CDIN1: variants seen among roughly 807,000 people sequenced by gnomAD.
CDIN1 encodes CDAN1-interacting nuclease 1.
A neutral mutation model predicts 45.3 loss-of-function variants in CDIN1; 33 were observed. The observed-to-expected ratio is 0.73, with a 90% CI of 0.55 to 0.97. CDIN1 has a LOEUF of 0.97. Among genes scored for constraint, CDIN1 ranks in the 50% least tolerant of loss-of-function variants. The probability of loss-of-function intolerance (pLI) is 0.00; values close to 1 mark genes in which losing one functional copy is unlikely to be tolerated. For missense variants in CDIN1, 303 were observed against 339.4 expected, an observed-to-expected ratio of 0.89 and a Z score of 0.84; for synonymous variants, 118 against 124.4, an observed-to-expected ratio of 0.95 and a Z score of 0.34.
chr15:36,612,452 C>A (rs2038691672), intron 1 of CDIN1, among the ~76,000 whole-genome samples: 1 of 152,110 alleles, frequency 6.6e-6, no homozygotes, highest in African/African-American at 2.4e-5. Context: ...TATTTTCTAT[C>A]CCTCGTAAGC....
intron 5 of CDIN1, among the ~76,000 whole-genome samples, chr15:36,674,101 A>G (rs2041553424): frequency 6.6e-6 from 1 of 152,164 alleles, no homozygotes; most frequent in African/African-American, 2.4e-5. Flanking sequence ...TACGCTGTCT[A>G]ATAAAGGCTC....
At chr15:36,777,585 T>C (rs2141043720) in intron 10 of CDIN1, among the ~76,000 whole-genome samples, 1 of 152,280 alleles carries the variant, frequency 6.6e-6, no homozygotes, top group Non-Finnish European at 1.5e-5. Context: ...CCAGACTCTG[T>C]TTTAGACATC....
chr15:36,804,940 G>A (rs531150567), intron 10 of CDIN1, among the ~76,000 whole-genome samples: 1 of 152,000 alleles, frequency 6.6e-6, no homozygotes, highest in Non-Finnish European at 1.5e-5. Flanking sequence ...CTCCCAAAGT[G>A]CTGGGATTAC....
At chr15:36,730,534 G>A (rs1452916) in intron 10 of CDIN1, among the ~76,000 whole-genome samples, 70,961 of 151,770 alleles carry the variant, frequency 0.47, 16,815 homozygotes, top group East Asian at 0.66. Context: ...TGAATTGACC[G>A]GTGAATTAAC....
chr15:36,703,641 T>C (rs1477064), intron 8 of CDIN1, among the ~76,000 whole-genome samples: 119,279 of 151,752 alleles, frequency 0.79, 47,472 homozygotes, highest in East Asian at 0.96. Flanking sequence ...ACCAAAGGCA[T>C]TGGGGGTCAA....
intron 1 of CDIN1, chr15:36,618,431 C>T (rs1006021002): frequency 3.7e-6 from 3 of 813,336 alleles, no homozygotes; most frequent in African/African-American, 3.4e-5. Flanking sequence ...GAACTCTTTT[C>T]AGAGGTCGAA....
chr15:36,717,312 T>A (rs1215670440), intron 10 of CDIN1, among the ~76,000 whole-genome samples: 1 of 152,170 alleles, frequency 6.6e-6, no homozygotes, highest in East Asian at 1.9e-4. Context: ...CTCTTTATAA[T>A]CCACTTTCCT....
chr15:36,696,097 C>G (rs2042415183), intron 7 of CDIN1, among the ~76,000 whole-genome samples: 1 of 152,018 alleles, frequency 6.6e-6, no homozygotes, highest in Non-Finnish European at 1.5e-5. Flanking sequence ...CCTTCTAGGC[C>G]TCGGTTTTCT....
intron 5 of CDIN1, among the ~76,000 whole-genome samples, chr15:36,676,545 G>T (rs1334813604): frequency 6.6e-6 from 1 of 152,160 alleles, no homozygotes; most frequent in Non-Finnish European, 1.5e-5. Flanking sequence ...TACAGACTTG[G>T]TCATACCAGT....
At chr15:36,777,525 T>G (rs1426860115) in intron 10 of CDIN1, among the ~76,000 whole-genome samples, 1 of 152,212 alleles carries the variant, frequency 6.6e-6, no homozygotes, top group Non-Finnish European at 1.5e-5. Flanking sequence ...GTCAACCATT[T>G]GGACATCTAA....
chr15:36,712,062 C>T (rs2043073726), intron 10 of CDIN1, among the ~76,000 whole-genome samples: 1 of 152,000 alleles, frequency 6.6e-6, no homozygotes, highest in Non-Finnish European at 1.5e-5. Context: ...TAAAGTTCTT[C>T]AGAATTGGAA....
At chr15:36,636,573 A>G (rs2039907455) in intron 1 of CDIN1, among the ~76,000 whole-genome samples, 1 of 152,108 alleles carries the variant, frequency 6.6e-6, no homozygotes, top group African/African-American at 2.4e-5. Flanking sequence ...CAAAAAAAAC[A>G]AAAGAACGTA....
At chr15:36,728,949 C>T (rs540100472) in intron 10 of CDIN1, among the ~76,000 whole-genome samples, 94 of 152,298 alleles carry the variant, frequency 6.2e-4, no homozygotes, top group African/African-American at 2.0e-3. Context: ...GCTCAGATAA[C>T]AGGCGTGAGC....
At chr15:36,623,503 G>C (rs980223419) in intron 1 of CDIN1, among the ~76,000 whole-genome samples, 1 of 152,192 alleles carries the variant, frequency 6.6e-6, no homozygotes, top group Non-Finnish European at 1.5e-5. Context: ...TGGATTTTAG[G>C]GTGAAAATGG....
intron 10 of CDIN1, among the ~76,000 whole-genome samples, chr15:36,723,139 T>C (rs1480716809): frequency 2.0e-5 from 3 of 152,212 alleles, no homozygotes; most frequent in Non-Finnish European, 4.4e-5. Flanking sequence ...TAGCAAATTG[T>C]CTTGTTAACC....
At chr15:36,585,711 T>A (rs1166484550) in intron 1 of CDIN1, among the ~76,000 whole-genome samples, 1 of 152,184 alleles carries the variant, frequency 6.6e-6, no homozygotes, top group African/African-American at 2.4e-5. Context: ...TTATTATTTT[T>A]AAATTCTGAA....
At chr15:36,751,199 T>A (rs2053451810) in intron 10 of CDIN1, among the ~76,000 whole-genome samples, 1 of 134,950 alleles carries the variant, frequency 7.4e-6, no homozygotes, top group African/African-American at 2.7e-5. Flanking sequence ...ATTCCATTTT[T>A]ATTGATAAAA....
intron 1 of CDIN1, among the ~76,000 whole-genome samples, chr15:36,589,764 A>C (rs2037486976): frequency 6.6e-6 from 1 of 152,148 alleles, no homozygotes; most frequent in Non-Finnish European, 1.5e-5. Flanking sequence ...TCGGCCTCCC[A>C]AAGTGCTGGG....
At chr15:36,785,630 AC>A (rs1030493647) in intron 10 of CDIN1, among the ~76,000 whole-genome samples, 3 of 152,184 alleles carry the variant, frequency 2.0e-5, no homozygotes, top group Non-Finnish European at 4.4e-5. Context: ...ACACATTGCA[AC>A]TTGAAAACTT....
Sources: allele counts gnomAD v4.1 joint callset (sites outside exome capture counted in the v4.1 genomes callset), GRCh38; gene constraint gnomAD v4.1.1; transcripts MANE v1.5; gene names NCBI Gene and HGNC (gene_info 2026-07-23, HGNC 2026-07-21).